The following SH3YL1 variants were observed in gnomAD, a reference collection of about 807,000 sequenced individuals.
SH3YL1 encodes SH3 domain-containing YSC84-like protein 1.
SH3YL1 carries 41 observed loss-of-function variants against 45.8 expected under a neutral mutation model. The observed-to-expected ratio is 0.89, with a 90% CI of 0.70 to 1.16. The LOEUF (loss-of-function observed/expected upper bound fraction) is 1.16, where lower values mean the gene tolerates loss of function less well. Among genes scored for constraint, SH3YL1 ranks in the 50% most tolerant of loss-of-function variants. The pLI is 0.00. For synonymous variants in SH3YL1, 152 were observed against 151.4 expected (o/e 1.00, Z -0.03); for missense variants, 389 against 409.6 (o/e 0.95, Z 0.43).
At chr2:257,079 G>A (rs551108647) in intron 1 of SH3YL1, among the ~76,000 whole-genome samples, 8 of 152,062 alleles carry the variant, frequency 5.3e-5, no homozygotes, top group African/African-American at 1.9e-4. Flanking sequence ...ATACTTTAAC[G>A]GAGTTGTTTT....
chr2:262,724 T>G, intron 1 of SH3YL1: 1 of 1,284,192 alleles, frequency 7.8e-7, no homozygotes, highest in Non-Finnish European at 1.0e-6. Flanking sequence ...CTTCCTATGT[T>G]TGTGTTGACA....
upstream of SH3YL1, chr2:264,822 C>A (rs986406946): frequency 3.2e-5 from 31 of 954,974 alleles, no homozygotes; most frequent in Non-Finnish European, 4.4e-5. Context: ...GAGCCGATTG[C>A]GCAGGCGTGG....
chr2:232,973 G>GT (rs1302966562), intron 6 of SH3YL1, 128 bp downstream of exon 6: 4 of 666,482 alleles, frequency 6.0e-6, no homozygotes, highest in Non-Finnish European at 8.7e-6. Flanking sequence ...ATTTTTAAAT[G>GT]TAAGATACAC....
At chr2:242,837 T>G (rs904623798) in intron 4 of SH3YL1, 1 of 1,524,290 alleles carries the variant, frequency 6.6e-7, no homozygotes, top group Non-Finnish European at 8.8e-7. Flanking sequence ...AGATGTGTCA[T>G]GCAGATGGCA....
At chr2:229,700 G>A (rs1667944915) in intron 8 of SH3YL1, among the ~76,000 whole-genome samples, 1 of 130,122 alleles carries the variant, frequency 7.7e-6, no homozygotes, top group South Asian at 2.4e-4. Context: ...CTGCACTCCA[G>A]CCTGGGCGAC....
intron 4 of SH3YL1, among the ~76,000 whole-genome samples, chr2:242,334 AGTGT>A (rs1000564191): frequency 1.5e-4 from 23 of 152,174 alleles, no homozygotes; most frequent in Admixed American, 7.8e-4. Context: ...TGAATTGCTG[AGTGT>A]GTATCATATA....
chr2:236,321 C>T (rs993715433), intron 4 of SH3YL1, among the ~76,000 whole-genome samples: 3 of 152,066 alleles, frequency 2.0e-5, no homozygotes, highest in African/African-American at 7.3e-5. Context: ...CTCCGCTTCT[C>T]GAGAGCTGTG....
At chr2:232,442 TTTC>T (rs1668089426) in intron 6 of SH3YL1, among the ~76,000 whole-genome samples, 2 of 25,640 alleles carry the variant, frequency 7.8e-5, no homozygotes, top group Non-Finnish European at 7.5e-5. Context: ...TATGTTTAAG[TTTC>T]TTTTTTTTTT....
At chr2:233,451 T>C (rs538572102) in intron 5 of SH3YL1, among the ~76,000 whole-genome samples, 1 of 152,306 alleles carries the variant, frequency 6.6e-6, no homozygotes, top group Admixed American at 6.5e-5. Context: ...TACAGAAGGC[T>C]CTGGTAACAT....
At chr2:225,936 A>G (rs976942534) in intron 8 of SH3YL1, among the ~76,000 whole-genome samples, 6 of 152,218 alleles carry the variant, frequency 3.9e-5, no homozygotes, top group Admixed American at 1.3e-4. Context: ...ATAAATGTAT[A>G]CATGTAATGT....
At chr2:219,284 T>C (rs1397391231) in intron 9 of SH3YL1, among the ~76,000 whole-genome samples, 1 of 152,218 alleles carries the variant, frequency 6.6e-6, no homozygotes, top group African/African-American at 2.4e-5. Context: ...AATATAGTCA[T>C]TGCTGTGGTC....
At chr2:251,772 C>G (rs1194481319) in intron 2 of SH3YL1, among the ~76,000 whole-genome samples, 1 of 152,172 alleles carries the variant, frequency 6.6e-6, no homozygotes, top group East Asian at 1.9e-4. Context: ...TTCCTCAAGA[C>G]AGGAGAAGTC....
In SH3YL1 at chr2:264,005, G is replaced by T; in HGVS notation, c.-21C>A. 1 of 1,445,384 alleles carries T rather than the reference G, an allele frequency of 6.9e-7. No individual in the cohort carries two copies. Among genetic ancestry groups the T allele is most frequent in the Non-Finnish European group, 9.2e-7 (1 of 1,092,872 alleles). The allele number at this position is 1,445,384 out of a possible 1,614,324, so 89.5% of individuals were successfully genotyped here. A position where few individuals can be genotyped will look rare whatever the true frequency, so the allele number is the denominator to read the frequency against. ...TCACTGCTGCCCGCCCGGCCGCGGCGCCCCGTCCCGAGGCTGCCCAGGAAG... is the reference window on the plus strand; with the variant it reads ...TCACTGCTGCCCGCCCGGCCGCGGCTCCCCGTCCCGAGGCTGCCCAGGAAG... On this transcript the variant is annotated 5_prime_UTR_variant, in exon 1 of 10. Transcript: ENST00000356150.
chr2:248,043 G>A (rs1668910874), intron 3 of SH3YL1, among the ~76,000 whole-genome samples: 1 of 152,174 alleles, frequency 6.6e-6, no homozygotes, highest in Non-Finnish European at 1.5e-5. Context: ...CATAATAATT[G>A]TTTCCATTGT....
At chr2:253,602 A>G (rs1014910790) in intron 1 of SH3YL1, among the ~76,000 whole-genome samples, 2 of 152,248 alleles carry the variant, frequency 1.3e-5, no homozygotes, top group African/African-American at 4.8e-5. Flanking sequence ...CCTTTTCCAG[A>G]AAACTCACGA....
rs942556643 is a variant in SH3YL1 at position 218,985 on chromosome 2, G to A, written c.855C>T (p.Pro285=). ...ATGAATACAGCGCTGTCACTTCTAT[G>A]GGTTGATTCAAATTGCCTGAAACAA... ...YHERVGNLNQ[P]IEVTALYSFE... is the part of the protein sequence containing the mutation. The change falls in exon 10 of 10, where the codon CCC becomes CCT. Residue 285 remains proline (P), a synonymous_variant. Coordinates refer to ENST00000356150, the MANE Select transcript of SH3YL1 (RefSeq NM_015677.4). 6.2e-7 allele frequency: 1 copy of A among 1,606,818 alleles called. No homozygotes were observed. Among genetic ancestry groups the A allele is most frequent in the Non-Finnish European group, 8.5e-7 (1 of 1,177,176 alleles).
intron 9 of SH3YL1, among the ~76,000 whole-genome samples, chr2:221,846 A>G (rs1441941077): frequency 6.6e-6 from 1 of 152,176 alleles, no homozygotes; most frequent in Non-Finnish European, 1.5e-5. Context: ...CTCAGATAAC[A>G]ATCCACAAGC....
chr2:264,760 C>A, upstream of SH3YL1: 1 of 549,972 alleles, frequency 1.8e-6, no homozygotes, highest in Non-Finnish European at 3.1e-6. Context: ...GACCCGCGGA[C>A]CCTCCCCGCC....
chr2:243,755 C>T (rs1558245033), intron 4 of SH3YL1, among the ~76,000 whole-genome samples: 1 of 152,220 alleles, frequency 6.6e-6, no homozygotes, highest in East Asian at 1.9e-4. Context: ...TATCAGGCTC[C>T]GCTTCTAGTG....
Sources: allele counts gnomAD v4.1 joint callset (sites outside exome capture counted in the v4.1 genomes callset), GRCh38; gene constraint gnomAD v4.1.1; transcripts MANE v1.5; gene names NCBI Gene and HGNC (gene_info 2026-07-23, HGNC 2026-07-21).